Variants in ZFHX3 observed in about 807,000 individuals in gnomAD.
ZFHX3 encodes zinc finger homeobox 3.
ZFHX3 carries 42 observed loss-of-function variants against 279.1 expected under a neutral mutation model. That is an observed-to-expected ratio of 0.15 (90% CI 0.12 to 0.19). ZFHX3 has a LOEUF of 0.19. Among genes scored for constraint, ZFHX3 ranks in the 10% least tolerant of loss-of-function variants. The pLI, the probability that ZFHX3 is intolerant of heterozygous loss-of-function variation, is 1.00. For synonymous variants in ZFHX3, 2,293 were observed against 1,957.8 expected, an observed-to-expected ratio of 1.17 and a Z score of -4.52; for missense variants, 4,981 against 4,754.0, an observed-to-expected ratio of 1.05 and a Z score of -1.40.
At chr16:73,502,923 C>T (rs1288941609) in intron 2 of ZFHX3, among the ~76,000 whole-genome samples, 1 of 152,216 alleles carries the variant, frequency 6.6e-6, no homozygotes, top group African/African-American at 2.4e-5. Context: ...AAAAGTGCCT[C>T]CCTGATTCAC....
intron 7 of ZFHX3, among the ~76,000 whole-genome samples, chr16:73,099,897 TCTC>T (rs59606789): frequency 0.017 from 2,511 of 152,054 alleles, 75 homozygotes; most frequent in African/African-American, 0.055. Context: ...CCTTGGAACT[TCTC>T]CTTCTGGCTA....
At chr16:73,340,504 A>G (rs1252364251) in intron 3 of ZFHX3, among the ~76,000 whole-genome samples, 1 of 152,178 alleles carries the variant, frequency 6.6e-6, no homozygotes, top group African/African-American at 2.4e-5. Context: ...TTATAGGTGC[A>G]TGCCATCACG....
intron 3 of ZFHX3, among the ~76,000 whole-genome samples, chr16:72,908,396 A>C (rs912471524): frequency 6.6e-6 from 1 of 152,264 alleles, no homozygotes; most frequent in African/African-American, 2.4e-5. Flanking sequence ...TAAACAATAA[A>C]GCAAAATTAA....
chr16:73,583,829 T>C (rs2051887337), intron 2 of ZFHX3, among the ~76,000 whole-genome samples: 2 of 152,170 alleles, frequency 1.3e-5, no homozygotes, highest in African/African-American at 4.8e-5. Context: ...CTAGAACTTC[T>C]AGTAAAATTG....
At chr16:73,400,873 C>T (rs578084119) in intron 3 of ZFHX3, 4 of 152,174 alleles carry the variant, frequency 2.6e-5, no homozygotes, top group Non-Finnish European at 4.4e-5. Context: ...TGTGTTCTTC[C>T]GCAGAGGGCA....
intron 2 of ZFHX3, among the ~76,000 whole-genome samples, chr16:73,515,666 G>A (rs762764373): frequency 7.9e-5 from 12 of 152,134 alleles, no homozygotes; most frequent in Non-Finnish European, 1.6e-4. Flanking sequence ...TTAGAAGTAC[G>A]TAATACTGAA....
intron 1 of ZFHX3, among the ~76,000 whole-genome samples, chr16:73,771,395 A>C (rs1434474215): frequency 6.6e-6 from 1 of 152,130 alleles, no homozygotes; most frequent in Non-Finnish European, 1.5e-5. Flanking sequence ...GTCAGAAAAA[A>C]CAAGCATGCA....
intron 1 of ZFHX3, among the ~76,000 whole-genome samples, chr16:73,879,599 G>C (rs1273283393): frequency 2.6e-5 from 4 of 152,114 alleles, no homozygotes; most frequent in African/African-American, 9.7e-5. Context: ...GAAGCAAGAA[G>C]GGACTATCAC....
chr16:73,134,375 C>T (rs1966750362), intron 6 of ZFHX3: 1 of 123,842 alleles, frequency 8.1e-6, no homozygotes, highest in Non-Finnish European at 1.6e-5. Flanking sequence ...AGACAGTCTT[C>T]CTCTGTCGCC....
intron 1 of ZFHX3, among the ~76,000 whole-genome samples, chr16:73,881,913 C>T (rs1192036860): frequency 6.6e-6 from 1 of 152,100 alleles, no homozygotes. Context: ...TCCAGTTTCC[C>T]TGCCTTTGCT....
At chr16:73,889,363 A>G (rs958517977) in intron 1 of ZFHX3, among the ~76,000 whole-genome samples, 1 of 152,192 alleles carries the variant, frequency 6.6e-6, no homozygotes, top group African/African-American at 2.4e-5. Context: ...TATTAATAGT[A>G]TCCGTGCACA....
chr16:72,820,517 G>T (rs191108572), intron 5 of ZFHX3, among the ~76,000 whole-genome samples: 23 of 152,190 alleles, frequency 1.5e-4, no homozygotes, highest in African/African-American at 5.1e-4. Flanking sequence ...GACTGCCACC[G>T]TGAGCCCGGC....
chr16:72,953,494 C>T (rs1961097432), intron 2 of ZFHX3, among the ~76,000 whole-genome samples: 1 of 152,210 alleles, frequency 6.6e-6, no homozygotes, highest in Non-Finnish European at 1.5e-5. Flanking sequence ...CCCGGCACAT[C>T]AACATCGCTC....
At chr16:72,889,502 A>G (rs2038715811) in intron 4 of ZFHX3, among the ~76,000 whole-genome samples, 1 of 150,924 alleles carries the variant, frequency 6.6e-6, no homozygotes, top group Non-Finnish European at 1.5e-5. Flanking sequence ...AAAAAAAAAA[A>G]AAAGAAGAAG....
chr16:73,474,895 A>G (rs1459179784), intron 2 of ZFHX3, among the ~76,000 whole-genome samples: 2 of 152,218 alleles, frequency 1.3e-5, no homozygotes, highest in Non-Finnish European at 2.9e-5. Context: ...AACCATTGAC[A>G]GTACTGTCTC....
intron 2 of ZFHX3, among the ~76,000 whole-genome samples, chr16:73,639,159 C>A (rs1252297678): frequency 2.0e-5 from 3 of 152,112 alleles, no homozygotes. Context: ...TTTCTTCATA[C>A]CCAAGAACCC....
chr16:73,076,156 C>T (rs1223002705), intron 8 of ZFHX3, among the ~76,000 whole-genome samples: 1 of 152,182 alleles, frequency 6.6e-6, no homozygotes, highest in African/African-American at 2.4e-5. Context: ...CAATCCCTGG[C>T]ACATGGAGGG....
chr16:73,557,523 T>C (rs1193469057), intron 2 of ZFHX3, among the ~76,000 whole-genome samples: 1 of 152,146 alleles, frequency 6.6e-6, no homozygotes, highest in Non-Finnish European at 1.5e-5. Flanking sequence ...CTTGAAGATA[T>C]GCTAAACAAG....
At chr16:73,404,827 T>C (rs1016893342) in intron 3 of ZFHX3, among the ~76,000 whole-genome samples, 7 of 152,328 alleles carry the variant, frequency 4.6e-5, no homozygotes, top group African/African-American at 1.7e-4. Flanking sequence ...ATTTCCTAAG[T>C]GTTTCCCAGG....
Sources: gnomAD v4.1 joint callset for allele counts (sites outside exome capture counted in the v4.1 genomes callset) on GRCh38, gnomAD v4.1.1 for gene constraint, MANE v1.5 for transcripts, NCBI Gene and HGNC (gene_info 2026-07-23, HGNC 2026-07-21) for gene names.